Variants in GRIN2A observed in about 807,000 individuals in gnomAD.
GRIN2A encodes the protein glutamate receptor ionotropic, NMDA 2A.
GRIN2A carries 22 observed loss-of-function variants against 113.4 expected under a neutral mutation model. The ratio of observed to expected loss-of-function variants is 0.19; its 90% CI spans 0.14 to 0.28. The LOEUF is 0.28. Ranked by LOEUF, GRIN2A falls within the 10% of genes least tolerant of loss-of-function variation. GRIN2A has a pLI of 1.00. For missense variants in GRIN2A, 1,502 were observed against 1,887.0 expected, an observed-to-expected ratio of 0.80 and a Z score of 3.78; for synonymous variants, 827 against 738.4, an observed-to-expected ratio of 1.12 and a Z score of -1.94.
intron 3 of GRIN2A, among the ~76,000 whole-genome samples, chr16:9,904,589 T>C (rs2043993012): frequency 6.6e-6 from 1 of 152,136 alleles, no homozygotes; most frequent in South Asian, 2.1e-4. Context: ...GCCAGGCTGC[T>C]CTCAGTCTCC....
Position 10,180,837 on chromosome 16 carries a change from A to C in GRIN2A, c.-18-408T>G. On this transcript the variant is annotated intron_variant, in intron 1 of 12. Transcript: ENST00000330684. The surrounding 1 kb of genome is among the most constrained non-coding windows in gnomAD (Gnocchi z 7.0). ...ATAAACCCTCCATCCAACCCCTCCC[A>C]CCTGGGATAGAGAGGACCAAGTTAT... 8.3e-6 allele frequency: 2 copies of C among 240,350 alleles called. No homozygotes were observed. Among genetic ancestry groups the C allele is most frequent in the East Asian group, 1.0e-4 (1 of 10,036 alleles). The allele number at this position is 240,350 out of a possible 1,614,324, so 14.9% of individuals were successfully genotyped here.
intron 2 of GRIN2A, among the ~76,000 whole-genome samples, chr16:9,947,730 C>T (rs1227999451): frequency 6.6e-6 from 1 of 152,126 alleles, no homozygotes; most frequent in African/African-American, 2.4e-5. Flanking sequence ...CTTTCTCTTA[C>T]TGGTGTCTGG....
Position 9,763,189 on chromosome 16 carries a change from C to T in GRIN2A, c.4355G>A (p.Arg1452His), listed in dbSNP as rs774039446. The T allele has an allele frequency of 1.8e-5, 29 of 1,613,858 alleles. No individual in the cohort carries two copies. Among genetic ancestry groups the T allele is most frequent in the Non-Finnish European group, 2.1e-5 (25 of 1,179,732 alleles). The change falls in exon 13 of 13, where the codon CGC becomes CAC. Residue 1452 changes from arginine (R) to histidine (H), a missense_variant. Arg to His is a conservative substitution (Grantham distance 29, BLOSUM62 0). Coordinates refer to ENST00000330684, the MANE Select transcript of GRIN2A (RefSeq NM_001134407.3). ...PRVLNSCSNRRVYKKMPSIES... is the reference protein window; with the variant it reads ...PRVLNSCSNRHVYKKMPSIES... ...GATACTAGGCATTTTCTTGTACACG[C>T]GTCTATTGCTGCAGGAATTTAAAAC...
At chr16:9,864,119 T>C (rs1395173753) in intron 4 of GRIN2A, among the ~76,000 whole-genome samples, 1 of 152,242 alleles carries the variant, frequency 6.6e-6, no homozygotes, top group East Asian at 1.9e-4. Context: ...TTTGACCTTC[T>C]AATGTACTTT....
At chr16:10,173,005 A>G (rs2050072705) in intron 2 of GRIN2A, among the ~76,000 whole-genome samples, 3 of 152,098 alleles carry the variant, frequency 2.0e-5, no homozygotes, top group African/African-American at 7.2e-5. Flanking sequence ...GAAGATAAAC[A>G]CCGCTGCAAA....
At chr16:10,003,090 A>G (rs1024884090) in intron 2 of GRIN2A, among the ~76,000 whole-genome samples, 4 of 152,208 alleles carry the variant, frequency 2.6e-5, no homozygotes, top group Admixed American at 1.3e-4. Flanking sequence ...GATGCATGGG[A>G]AGCGAATACG....
intron 2 of GRIN2A, among the ~76,000 whole-genome samples, chr16:10,045,944 T>C (rs572304212): frequency 6.6e-6 from 1 of 152,336 alleles, no homozygotes; most frequent in East Asian, 1.9e-4. Flanking sequence ...TAAGATATTT[T>C]ACAGCATCCC....
intron 8 of GRIN2A, among the ~76,000 whole-genome samples, chr16:9,832,844 T>C (rs1267001496): frequency 3.9e-5 from 6 of 152,190 alleles, no homozygotes; most frequent in African/African-American, 1.2e-4. Context: ...ATCTGGTTGA[T>C]TGAAGATGGT....
At chr16:9,816,847 T>C (rs923496360) in intron 10 of GRIN2A, among the ~76,000 whole-genome samples, 1 of 152,186 alleles carries the variant, frequency 6.6e-6, no homozygotes, top group Admixed American at 6.5e-5. Flanking sequence ...ACATTTTTAT[T>C]AGCACCTATT....
intron 3 of GRIN2A, among the ~76,000 whole-genome samples, chr16:9,933,251 C>T (rs1269909198): frequency 2.6e-5 from 4 of 152,094 alleles, no homozygotes; most frequent in African/African-American, 7.2e-5. Flanking sequence ...TGTACAGAAA[C>T]GGTTGGGTGT....
chr16:9,970,375 A>T (rs2045646928), intron 2 of GRIN2A, among the ~76,000 whole-genome samples: 1 of 152,198 alleles, frequency 6.6e-6, no homozygotes, highest in Non-Finnish European at 1.5e-5. Context: ...TGCATTGCCC[A>T]CTAGAGAGAC....
chr16:9,832,233 A>G (rs967972400), intron 8 of GRIN2A, among the ~76,000 whole-genome samples: 5 of 151,978 alleles, frequency 3.3e-5, no homozygotes, highest in Admixed American at 6.6e-5. Flanking sequence ...TGACATCACA[A>G]GTATGAGCCA....
chr16:10,118,000 G>A (rs1027991959), intron 2 of GRIN2A, among the ~76,000 whole-genome samples: 21 of 152,254 alleles, frequency 1.4e-4, no homozygotes, highest in African/African-American at 3.1e-4. Context: ...GTGCAGAGAT[G>A]AGCACATGGC....
intron 2 of GRIN2A, among the ~76,000 whole-genome samples, chr16:10,101,688 G>A (rs1292404910): frequency 6.6e-6 from 1 of 152,202 alleles, no homozygotes; most frequent in Non-Finnish European, 1.5e-5. Flanking sequence ...GAAAACCTGG[G>A]CTGTCAGTCT....
At chr16:9,823,453 C>T (rs1254887374) in intron 9 of GRIN2A, among the ~76,000 whole-genome samples, 1 of 152,132 alleles carries the variant, frequency 6.6e-6, no homozygotes, top group Non-Finnish European at 1.5e-5. Context: ...TGGAATAGTG[C>T]CTGGACCAGA....
At chr16:10,107,436 G>C (rs2048521316) in intron 2 of GRIN2A, among the ~76,000 whole-genome samples, 1 of 152,184 alleles carries the variant, frequency 6.6e-6, no homozygotes, top group Non-Finnish European at 1.5e-5. Flanking sequence ...ATCCACTGCA[G>C]GTAGTTGCAT....
chr16:9,782,001 C>T (rs1901965940), intron 11 of GRIN2A, among the ~76,000 whole-genome samples: 1 of 151,836 alleles, frequency 6.6e-6, no homozygotes, highest in Non-Finnish European at 1.5e-5. Flanking sequence ...TATATATAAC[C>T]AATAATTATA....
chr16:9,966,500 T>C (rs1456635437), intron 2 of GRIN2A, among the ~76,000 whole-genome samples: 2 of 152,244 alleles, frequency 1.3e-5, no homozygotes, highest in African/African-American at 2.4e-5. Context: ...TGTACCACAT[T>C]TTCTTGATCC....
intron 8 of GRIN2A, among the ~76,000 whole-genome samples, chr16:9,832,103 T>A (rs181876197): frequency 4.1e-5 from 6 of 147,888 alleles, no homozygotes; most frequent in African/African-American, 1.5e-4. Flanking sequence ...TATTTATTTA[T>A]TTATTTATTT....
Sources: gnomAD v4.1 joint callset for allele counts (sites outside exome capture counted in the v4.1 genomes callset) on GRCh38, gnomAD v4.1.1 for gene constraint, Gnocchi (gnomAD v3.1) non-coding constraint, MANE v1.5 for transcripts, NCBI Gene and HGNC (gene_info 2026-07-23, HGNC 2026-07-21) for gene names.